FSTL4: variants seen among roughly 807,000 people sequenced by gnomAD.
FSTL4 encodes the protein follistatin-related protein 4.
A neutral mutation model predicts 78.2 loss-of-function variants in FSTL4; 28 were observed. That is an observed-to-expected ratio of 0.36 (90% CI 0.27 to 0.49). The LOEUF (loss-of-function observed/expected upper bound fraction) is 0.49, where lower values mean the gene tolerates loss of function less well. FSTL4 is among the 20% of genes least tolerant of loss of function. The pLI is 0.98. For missense variants in FSTL4, 922 were observed against 1,084.9 expected, an observed-to-expected ratio of 0.85 and a Z score of 2.11; for synonymous variants, 422 against 440.5, an observed-to-expected ratio of 0.96 and a Z score of 0.53.
the FSTL4 span, among the ~76,000 whole-genome samples, chr5:133,732,654 TC>T: frequency 6.6e-6 from 1 of 152,100 alleles, no homozygotes; most frequent in South Asian, 2.1e-4. Flanking sequence ...GTCACACACT[TC>T]CCACTGCCCG....
chr5:133,834,871 A>G, the FSTL4 span, among the ~76,000 whole-genome samples: 23 of 151,962 alleles, frequency 1.5e-4, no homozygotes, highest in South Asian at 6.2e-4. Context: ...GATATATATT[A>G]TATATATTTT....
chr5:133,237,175 TC>T (rs889762953), intron 7 of FSTL4, among the ~76,000 whole-genome samples: 15 of 152,044 alleles, frequency 9.9e-5, no homozygotes, highest in African/African-American at 3.1e-4. Context: ...TCAAGTCTCG[TC>T]CCCACTTCCC....
the FSTL4 span, among the ~76,000 whole-genome samples, chr5:133,748,021 C>T: frequency 2.6e-5 from 4 of 151,998 alleles, no homozygotes; most frequent in South Asian, 2.1e-4. Flanking sequence ...ATGGTGAAAC[C>T]CTGTCTCTAC....
At chr5:133,699,843 T>C in the FSTL4 span, among the ~76,000 whole-genome samples, 4 of 133,768 alleles carry the variant, frequency 3.0e-5, no homozygotes, top group South Asian at 6.9e-4. Flanking sequence ...ATAGCGCCAC[T>C]GTAGTCAGGC....
chr5:133,352,299 C>CAT (rs1273333397), intron 4 of FSTL4, among the ~76,000 whole-genome samples: 23 of 141,198 alleles, frequency 1.6e-4, no homozygotes, highest in Admixed American at 6.3e-4. Context: ...TATATACACA[C>CAT]ACATATATAT....
At chr5:133,765,003 C>T in the FSTL4 span, among the ~76,000 whole-genome samples, 5 of 152,360 alleles carry the variant, frequency 3.3e-5, no homozygotes, top group East Asian at 7.7e-4. Context: ...GAATATGCTG[C>T]GCTTTATGCC....
chr5:133,823,270 T>G, the FSTL4 span, among the ~76,000 whole-genome samples: 36 of 152,186 alleles, frequency 2.4e-4, no homozygotes, highest in African/African-American at 8.7e-4. Context: ...TAAGTTGAAA[T>G]TAAAACATCA....
At chr5:133,736,507 A>G in the FSTL4 span, among the ~76,000 whole-genome samples, 2 of 152,106 alleles carry the variant, frequency 1.3e-5, no homozygotes, top group Non-Finnish European at 2.9e-5. Context: ...AAAAAAGAAA[A>G]TTATTTTGAA....
intron 1 of FSTL4, among the ~76,000 whole-genome samples, chr5:133,609,408 A>C (rs1761042289): frequency 1.3e-5 from 2 of 152,182 alleles, no homozygotes; most frequent in African/African-American, 4.8e-5. Flanking sequence ...TGTCTGCTCA[A>C]ATTTAAAGGG....
intron 6 of FSTL4, among the ~76,000 whole-genome samples, chr5:133,252,980 T>C (rs571196232): frequency 2.0e-5 from 3 of 152,228 alleles, no homozygotes; most frequent in Non-Finnish European, 4.4e-5. Flanking sequence ...TGAATACTGA[T>C]AGAACCATCG....
chr5:133,559,593 T>C (rs1479719472), intron 3 of FSTL4, among the ~76,000 whole-genome samples: 1 of 152,184 alleles, frequency 6.6e-6, no homozygotes, highest in Admixed American at 6.5e-5. Context: ...TCTTCGACAA[T>C]GTGACTCTTC....
chr5:133,273,006 C>T (rs1166195511), intron 6 of FSTL4, among the ~76,000 whole-genome samples: 1 of 152,224 alleles, frequency 6.6e-6, no homozygotes, highest in East Asian at 1.9e-4. Flanking sequence ...AGGAGCAGGA[C>T]GGATTGGGCC....
At chr5:133,804,440 T>C in the FSTL4 span, among the ~76,000 whole-genome samples, 1 of 152,312 alleles carries the variant, frequency 6.6e-6, no homozygotes, top group Admixed American at 6.5e-5. Flanking sequence ...CAAGCAAGGA[T>C]AAGTGAACTT....
chr5:133,476,823 T>G (rs1757935105), intron 3 of FSTL4, among the ~76,000 whole-genome samples: 1 of 152,186 alleles, frequency 6.6e-6, no homozygotes, highest in African/African-American at 2.4e-5. Flanking sequence ...AGTGAGACAC[T>G]CATTGAGCCA....
chr5:133,664,802 T>A, the FSTL4 span, among the ~76,000 whole-genome samples: 1 of 152,218 alleles, frequency 6.6e-6, no homozygotes, highest in Non-Finnish European at 1.5e-5. Context: ...GCAAGTTGTT[T>A]TACTAGCTTA....
intron 4 of FSTL4, among the ~76,000 whole-genome samples, chr5:133,325,558 G>A (rs1411892778): frequency 3.9e-5 from 6 of 152,184 alleles, no homozygotes; most frequent in South Asian, 4.1e-4. Flanking sequence ...GGAAGGGGGC[G>A]TGGACCTAGG....
intron 3 of FSTL4, among the ~76,000 whole-genome samples, chr5:133,425,223 G>A (rs188176152): frequency 2.2e-3 from 318 of 142,156 alleles, no homozygotes; most frequent in Middle Eastern, 0.011. Context: ...TCTTCAAAGT[G>A]ACCTAAAAAA....
At chr5:133,762,815 C>T in the FSTL4 span, among the ~76,000 whole-genome samples, 1 of 151,996 alleles carries the variant, frequency 6.6e-6, no homozygotes, top group African/African-American at 2.4e-5. Flanking sequence ...ATCTCTCCCT[C>T]TCTCTCTCTA....
At chr5:133,363,686 C>T (rs1406325399) in intron 4 of FSTL4, among the ~76,000 whole-genome samples, 1 of 152,158 alleles carries the variant, frequency 6.6e-6, no homozygotes, top group Non-Finnish European at 1.5e-5. Context: ...GGCAATACAG[C>T]CAGGATGAAA....
Sources: gnomAD v4.1 joint callset for allele counts (sites outside exome capture counted in the v4.1 genomes callset) on GRCh38, gnomAD v4.1.1 for gene constraint, MANE v1.5 for transcripts, NCBI Gene and HGNC (gene_info 2026-07-23, HGNC 2026-07-21) for gene names.